Variants in CNTLN observed in about 807,000 individuals in gnomAD.
The protein encoded by CNTLN is centlein.
In CNTLN, 212 loss-of-function variants were observed where a neutral mutation model predicts 180.0. That is an observed-to-expected ratio of 1.18 (90% CI 1.05 to 1.32). The LOEUF (loss-of-function observed/expected upper bound fraction) is 1.32. Among genes scored for constraint, CNTLN ranks in the 40% most tolerant of loss-of-function variants. CNTLN has a pLI of 0.00. For synonymous variants in CNTLN, 722 were observed against 563.1 expected (o/e 1.28, Z -3.99); for missense variants, 2,095 against 1,610.9 (o/e 1.30, Z -5.14).
intron 12 of CNTLN, among the ~76,000 whole-genome samples, chr9:17,360,134 TA>T (rs1224760896): frequency 1.3e-5 from 2 of 152,376 alleles, no homozygotes; most frequent in East Asian, 3.9e-4. Context: ...AAGTGTATTT[TA>T]AATTTTTCTA....
At chr9:17,490,469 C>G (rs189100987) in intron 25 of CNTLN, among the ~76,000 whole-genome samples, 25 of 152,026 alleles carry the variant, frequency 1.6e-4, no homozygotes, top group African/African-American at 5.5e-4. Context: ...TTTAGTTAAA[C>G]AAAAGAAGTA....
intron 2 of CNTLN, among the ~76,000 whole-genome samples, chr9:17,211,677 C>T (rs1383263506): frequency 6.6e-6 from 1 of 152,122 alleles, no homozygotes; most frequent in Non-Finnish European, 1.5e-5. Context: ...TTGATTCTTC[C>T]TATCCATGAG....
At chr9:17,320,490 C>A (rs933143677) in intron 8 of CNTLN, among the ~76,000 whole-genome samples, 2 of 109,148 alleles carry the variant, frequency 1.8e-5, no homozygotes, top group East Asian at 6.6e-4. Flanking sequence ...TATTCCAATG[C>A]CTTTTGTTTG....
chr9:17,509,935 A>T, the CNTLN span, among the ~76,000 whole-genome samples: 1 of 152,214 alleles, frequency 6.6e-6, no homozygotes, highest in Non-Finnish European at 1.5e-5. Context: ...CTTCCAAAGC[A>T]ACAGACAAAG....
At chr9:17,146,755 A>G (rs1818484626) in intron 2 of CNTLN, among the ~76,000 whole-genome samples, 1 of 152,126 alleles carries the variant, frequency 6.6e-6, no homozygotes. Context: ...TGATTATTTG[A>G]ATTTTAAAAT....
chr9:17,515,506 G>A, the CNTLN span, among the ~76,000 whole-genome samples: 1 of 151,954 alleles, frequency 6.6e-6, no homozygotes, highest in Admixed American at 6.6e-5. Context: ...GGTCTAATAG[G>A]TATCCCAAAT....
chr9:17,465,629 T>A (rs1438073583), intron 21 of CNTLN, among the ~76,000 whole-genome samples: 2 of 151,018 alleles, frequency 1.3e-5, no homozygotes, highest in Non-Finnish European at 3.0e-5. Context: ...CAATGGAAAG[T>A]TACCTTTAAC....
At chr9:17,298,746 C>T in intron 7 of CNTLN, 1 of 988,194 alleles carries the variant, frequency 1.0e-6, no homozygotes, top group Non-Finnish European at 1.2e-6. Context: ...TATTTTTCGG[C>T]AAATCTTCAC....
intron 2 of CNTLN, among the ~76,000 whole-genome samples, chr9:17,215,857 CGGG>C (rs1554660282): frequency 1.3e-5 from 2 of 152,134 alleles, no homozygotes; most frequent in Non-Finnish European, 2.9e-5. Context: ...GAGCCAGGCG[CGGG>C]GTATAATCTC....
chr9:17,357,361 A>G (rs1451917184), intron 12 of CNTLN, among the ~76,000 whole-genome samples: 2 of 151,852 alleles, frequency 1.3e-5, no homozygotes, highest in African/African-American at 2.4e-5. Flanking sequence ...CTCCACAGGC[A>G]GATATATCAC....
intron 2 of CNTLN, among the ~76,000 whole-genome samples, chr9:17,172,844 T>G (rs1820500076): frequency 1.3e-5 from 2 of 152,192 alleles, no homozygotes; most frequent in Non-Finnish European, 2.9e-5. Flanking sequence ...CTGACTAGCC[T>G]TTACATCAAG....
At chr9:17,350,361 C>T (rs565664409) in intron 12 of CNTLN, among the ~76,000 whole-genome samples, 6 of 152,186 alleles carry the variant, frequency 3.9e-5, no homozygotes, top group African/African-American at 1.4e-4. Flanking sequence ...TAATCTGTAG[C>T]CTATGTAAAA....
intron 8 of CNTLN, among the ~76,000 whole-genome samples, chr9:17,315,641 T>G (rs748178517): frequency 6.6e-6 from 1 of 152,050 alleles, no homozygotes; most frequent in Non-Finnish European, 1.5e-5. Context: ...GTATTCCATA[T>G]ATATTTTGAG....
intron 2 of CNTLN, among the ~76,000 whole-genome samples, chr9:17,166,227 T>C (rs1453326146): frequency 6.6e-6 from 1 of 152,042 alleles, no homozygotes; most frequent in Non-Finnish European, 1.5e-5. Flanking sequence ...AAAGAGTACT[T>C]GGAAATTAAA....
At chr9:17,277,302 C>A (rs549637600) in intron 6 of CNTLN, among the ~76,000 whole-genome samples, 1 of 151,978 alleles carries the variant, frequency 6.6e-6, no homozygotes, top group Non-Finnish European at 1.5e-5. Flanking sequence ...AATGGTTCTA[C>A]AATTGAGATG....
intron 6 of CNTLN, among the ~76,000 whole-genome samples, chr9:17,274,136 T>C (rs2132519290): frequency 6.6e-6 from 1 of 152,202 alleles, no homozygotes; most frequent in East Asian, 1.9e-4. Context: ...ATTCATTGTT[T>C]TCTTCTAACA....
At chr9:17,374,809 G>A (rs1438838146) in intron 13 of CNTLN, among the ~76,000 whole-genome samples, 1 of 151,340 alleles carries the variant, frequency 6.6e-6, no homozygotes, top group Admixed American at 6.6e-5. Flanking sequence ...TCAGTGAGCC[G>A]AGATTATGCC....
rs112838401 is a variant in CNTLN at position 17,354,461 on chromosome 9, A to T, written c.1886+12017A>T. Among the ~76,000 whole-genome samples, 551 of 152,072 alleles carry T rather than the reference A, an allele frequency of 3.6e-3. 1 individual carries two copies. The highest frequency in any genetic ancestry group is 0.012 in the African/African-American group (488 of 41,496). ...GCTCAGGGATTGTAAATATACACCA[A>T]TCGGCACTCTGTATCTAGCTCAAGG... On this transcript the variant is annotated intron_variant, in intron 12 of 25. Transcript: ENST00000380647.
intron 12 of CNTLN, among the ~76,000 whole-genome samples, chr9:17,360,918 T>G (rs1823328765): frequency 6.6e-6 from 1 of 151,900 alleles, no homozygotes; most frequent in South Asian, 2.1e-4. Context: ...GAGTGTTTTA[T>G]AAAACATTCA....
Sources: allele counts gnomAD v4.1 joint callset (sites outside exome capture counted in the v4.1 genomes callset), GRCh38; gene constraint gnomAD v4.1.1; transcripts MANE v1.5; gene names NCBI Gene and HGNC (gene_info 2026-07-23, HGNC 2026-07-21).